The following USP33 variants were observed in gnomAD, a reference collection of about 807,000 sequenced individuals.
USP33 encodes the protein ubiquitin carboxyl-terminal hydrolase 33.
Under a neutral mutation model 124.2 loss-of-function variants are expected in USP33, and 46 were observed. That is an observed-to-expected ratio of 0.37 (90% CI 0.29 to 0.47). The LOEUF is 0.47. USP33 is among the 20% of genes least tolerant of loss of function. USP33 has a pLI of 0.99. For synonymous variants in USP33, 350 were observed against 352.3 expected, an observed-to-expected ratio of 0.99 and a Z score of 0.07; for missense variants, 851 against 1,070.6, an observed-to-expected ratio of 0.79 and a Z score of 2.86.
At chr1:77,725,548 A>T in intron 11 of USP33, 74 bp downstream of exon 11, 1 of 1,504,488 alleles carries the variant, frequency 6.6e-7, no homozygotes, top group East Asian at 2.3e-5. Context: ...AACACTTTAA[A>T]TTATCAAGTA....
At chr1:77,729,595 C>T (rs781084619) in intron 9 of USP33, among the ~76,000 whole-genome samples, 18 of 151,890 alleles carry the variant, frequency 1.2e-4, no homozygotes, top group Admixed American at 2.0e-4. Flanking sequence ...CGCTTGAATT[C>T]GGGAGGTGGA....
chr1:77,755,628 G>A (rs192758471), intron 1 of USP33, among the ~76,000 whole-genome samples: 73 of 152,342 alleles, frequency 4.8e-4, no homozygotes, highest in African/African-American at 1.7e-3. Context: ...AACGCAGGAG[G>A]TGGAGGTTGC....
At chr1:77,754,599 A>T (rs2101619631) in intron 1 of USP33, among the ~76,000 whole-genome samples, 1 of 152,368 alleles carries the variant, frequency 6.6e-6, no homozygotes, top group East Asian at 1.9e-4. Context: ...GGATTTGAAG[A>T]TCCCACAAAG....
intron 8 of USP33, among the ~76,000 whole-genome samples, 167 bp from the exon 9 acceptor site, chr1:77,730,105 T>A (rs1349523844): frequency 6.6e-6 from 1 of 152,170 alleles, no homozygotes; most frequent in Non-Finnish European, 1.5e-5. Context: ...GAACACCTTA[T>A]CCTTGATATT....
intron 20 of USP33, among the ~76,000 whole-genome samples, chr1:77,712,777 G>C (rs1267216612): frequency 1.3e-5 from 2 of 151,994 alleles, no homozygotes; most frequent in African/African-American, 2.4e-5. Context: ...AGGACCACTG[G>C]AGCCTAGGAG....
chr1:77,740,107 C>T (rs79564572), intron 4 of USP33, among the ~76,000 whole-genome samples: 1 of 152,280 alleles, frequency 6.6e-6, no homozygotes, highest in East Asian at 1.9e-4. Flanking sequence ...AGAAACTTTC[C>T]ATTTAGAATG....
rs1174460336 is a variant in USP33, at chr1:77,741,251, AC to A, written c.135+124del. Reference sequence around the variant, plus strand: ...AGTTTAATTTTTGTTATTAATAATGACCTTTTAAAAGCAAGTTTAATTTACA... The same window carrying A: ...AGTTTAATTTTTGTTATTAATAATGACTTTTAAAAGCAAGTTTAATTTACA... On this transcript the variant is annotated intron_variant, in intron 3 of 23. Transcript: ENST00000370794. The A allele has an allele frequency of 5.5e-6, 5 of 903,906 alleles. No individual in the cohort carries two copies. The African/African-American group carries it at 8.5e-5, about 15-fold the overall frequency. 56.0% of individuals were successfully genotyped at this position (903,906 alleles called of 1,614,324 possible).
Position 77,728,347 on chromosome 1 carries a change from G to C in USP33, c.1083C>G (p.Val361=). Residue 361 remains valine (V), a synonymous_variant, in exon 10 of 24, where the codon GTC becomes GTG. Coordinates refer to ENST00000370794, the MANE Select transcript of USP33 (RefSeq NM_201624.3). ...TGACAGTTTCCTGGTTGTTTAAGTC[G>C]ACTGTTTCAGATATAGAGTCTCTAT... ...DKDRDSISET[V]DLNNQETVKV... The C allele has an allele frequency of 6.2e-7, 1 of 1,608,862 alleles. No individual in the cohort carries two copies. Among genetic ancestry groups the C allele is most frequent in the African/African-American group, 1.3e-5 (1 of 74,584 alleles).
At chr1:77,727,177 C>T (rs989292399) in intron 10 of USP33, among the ~76,000 whole-genome samples, 2 of 152,144 alleles carry the variant, frequency 1.3e-5, no homozygotes, top group African/African-American at 2.4e-5. Context: ...TTTCCTCTAA[C>T]GGACCAGAGA....
intron 12 of USP33, 197 bp from the exon 13 acceptor site, chr1:77,722,393 T>C: frequency 1.9e-6 from 1 of 532,210 alleles, no homozygotes. Flanking sequence ...CAAAACACAC[T>C]TGCTCTGTAC....
chr1:77,728,773 G>A (rs1677453134), intron 9 of USP33, 61 bp from the exon 10 acceptor site: 1 of 1,511,970 alleles, frequency 6.6e-7, no homozygotes, highest in Non-Finnish European at 8.9e-7. Flanking sequence ...AAACGTAAGG[G>A]AAAATATACA....
At chr1:77,706,879 T>C (rs935519984) in intron 21 of USP33, among the ~76,000 whole-genome samples, 15 of 152,220 alleles carry the variant, frequency 9.9e-5, no homozygotes, top group African/African-American at 3.1e-4. Context: ...ACACAAGTTT[T>C]GCTTCCCATA....
chr1:77,756,308 A>G (rs780052531), intron 1 of USP33, among the ~76,000 whole-genome samples: 1 of 151,500 alleles, frequency 6.6e-6, no homozygotes, highest in Non-Finnish European at 1.5e-5. Context: ...TTCATCTCAC[A>G]TTTCTTCTAG....
In USP33 at chr1:77,714,729, G is replaced by A. The variant is rs748513683; in HGVS notation, c.2100C>T (p.Asn700=). 3 of 1,612,730 alleles carry A rather than the reference G, an allele frequency of 1.9e-6. No homozygotes were observed. The Admixed American group carries it at 5.0e-5, about 27-fold the overall frequency. The change falls in exon 19 of 24, where the codon AAC becomes AAT. Residue 700 remains asparagine, a synonymous_variant. Coordinates refer to ENST00000370794, the MANE Select transcript of USP33 (RefSeq NM_201624.3). ...ACTGAAGGAGGCTTGGTTCCATTAT[G>A]TTCAATAAATTTGATATCCTTCTCC... The part of the protein sequence containing the change: ...KERRRISNLL[N]IMEPSLLQFY...
Position 77,702,141 on chromosome 1 carries a change from C to CAAAAAAAAAAAAAAAAA in USP33, c.2407-687_2407-671dup, listed in dbSNP as rs58750531. On this transcript the variant is annotated intron_variant, in intron 21 of 23. Transcript: ENST00000370794. ...TGGGTGACAGAACAAGACCCTGTCT[C>CAAAAAAAAAAAAAAAAA]AAAAAAAAAAAAAAAAAAAAAAAAA... is the stretch of plus-strand genomic sequence containing the variant. Among the ~76,000 whole-genome samples, 58 of 15,782 alleles carry CAAAAAAAAAAAAAAAAA rather than the reference C, an allele frequency of 3.7e-3. 1 individual carries two copies. Among genetic ancestry groups the CAAAAAAAAAAAAAAAAA allele is most frequent in the African/African-American group, 7.2e-3 (56 of 7,802 alleles). 10.4% of individuals were successfully genotyped at this position (15,782 alleles called of 152,430 possible).
chr1:77,753,628 T>C lies in USP33; in HGVS notation c.-52+6015A>G, dbSNP rs1235481950. Reference sequence around the variant, plus strand: ...GAAATAATTTGAAAACTGTATCTTATAAGATAGCACTGTACTAAGAGTAAA... The same window carrying C: ...GAAATAATTTGAAAACTGTATCTTACAAGATAGCACTGTACTAAGAGTAAA... On this transcript the variant is annotated intron_variant, in intron 1 of 23. Transcript: ENST00000370794. 3.3e-5 allele frequency among the ~76,000 whole-genome samples: 5 copies of C among 151,882 alleles called. 1 individual carries two copies. The highest frequency in any genetic ancestry group is 4.8e-5 in the African/African-American group (2 of 41,416).
intron 1 of USP33, among the ~76,000 whole-genome samples, chr1:77,757,860 C>A (rs960461349): frequency 6.6e-6 from 1 of 152,172 alleles, no homozygotes; most frequent in African/African-American, 2.4e-5. Context: ...AGAGGACTGG[C>A]ATGAGGATCA....
intron 18 of USP33, among the ~76,000 whole-genome samples, chr1:77,715,451 C>T (rs1458300328): frequency 1.3e-5 from 2 of 152,158 alleles, no homozygotes; most frequent in South Asian, 2.1e-4. Flanking sequence ...GTGATCCACC[C>T]GCCTTGGCCT....
chr1:77,750,624 A>AAAG (rs1680215884), intron 1 of USP33, among the ~76,000 whole-genome samples: 105 of 123,386 alleles, frequency 8.5e-4, no homozygotes, highest in African/African-American at 3.2e-3. Context: ...CCTGACTTAA[A>AAAG]AAAGAAAGAA....
Sources: gnomAD v4.1 joint callset for allele counts (sites outside exome capture counted in the v4.1 genomes callset) on GRCh38, gnomAD v4.1.1 for gene constraint, MANE v1.5 for transcripts, NCBI Gene and HGNC (gene_info 2026-07-23, HGNC 2026-07-21) for gene names.